Variants in CIITA observed in about 807,000 individuals in gnomAD.
CIITA encodes the protein MHC class II transactivator.
A neutral mutation model predicts 115.1 loss-of-function variants in CIITA; 72 were observed. That is an observed-to-expected ratio of 0.63 (90% CI 0.52 to 0.76). CIITA has a LOEUF of 0.76. Ranked by LOEUF, CIITA falls within the 30% of genes least tolerant of loss-of-function variation. The pLI is 0.00. For synonymous variants in CIITA, 763 were observed against 635.6 expected, an observed-to-expected ratio of 1.20 and a Z score of -3.02; for missense variants, 1,617 against 1,463.8, an observed-to-expected ratio of 1.10 and a Z score of -1.71.
chr16:10,919,080 A>G (rs1403155287), intron 16 of CIITA, among the ~76,000 whole-genome samples: 1 of 152,230 alleles, frequency 6.6e-6, no homozygotes, highest in East Asian at 1.9e-4. Context: ...TACTCGCCAG[A>G]CTGAGAGAAA....
At chr16:10,895,858 A>G in intron 3 of CIITA, 94 bp downstream of exon 3, 1 of 1,187,108 alleles carries the variant, frequency 8.4e-7, no homozygotes, top group African/African-American at 1.5e-5. Flanking sequence ...GAGCCACGTC[A>G]GTCCCCTCCC....
rs200253132 is a variant in CIITA at position 10,907,517 on chromosome 16, A to G, written c.2025A>G (p.Leu675=). Residue 675 remains leucine, a synonymous_variant, in exon 11 of 20, where the codon CTA becomes CTG. Coordinates refer to ENST00000324288, the MANE Select transcript of CIITA (RefSeq NM_000246.4). The surrounding 1 kb of genome is among the most constrained non-coding windows in gnomAD (Gnocchi z 5.0). ...WELGRRHQST[L]QEDQFPSADV... is the part of the protein sequence containing the mutation. ...TGGGCCGCAGACATCAAAGTACCCT[A>G]CAGGAGGACCAGTTCCCATCCGCAG... 1 of 1,614,010 alleles carries G rather than the reference A, an allele frequency of 6.2e-7. No homozygotes were observed. Among genetic ancestry groups the G allele is most frequent in the Non-Finnish European group, 8.5e-7 (1 of 1,180,006 alleles).
chr16:10,898,836 A>T (rs1488551031), intron 4 of CIITA, 89 bp from the exon 5 acceptor site: 10 of 1,593,012 alleles, frequency 6.3e-6, no homozygotes, highest in Non-Finnish European at 6.0e-6. Context: ...ATGGGCAGTC[A>T]GACCCCTCTC....
At position 10,895,215 on chromosome 16, in the gene CIITA, G is replaced by C. The variant is rs2038000653; in HGVS notation, c.53-67G>C. 1.9e-6 allele frequency: 3 copies of C among 1,589,284 alleles called. No individual in the cohort carries two copies. In the African/African-American group the frequency reaches 4.0e-5, roughly 21 times the overall value. On this transcript the variant is annotated intron_variant, in intron 1 of 19. Coordinates refer to ENST00000324288, the MANE Select transcript of CIITA (RefSeq NM_000246.4). ...CAGCCCTCACCAGCTGGGAGTTGTT[G>C]TAGGTGTCAATTTTCTGCCTCTTTC...
chr16:10,941,321 C>T (rs927417549), downstream of CIITA: 2 of 182,926 alleles, frequency 1.1e-5, no homozygotes, highest in Non-Finnish European at 2.2e-5. This position sits in a 1 kb window ranked among gnomAD's most constrained non-coding sequence, Gnocchi z 6.4. Context: ...AGTCACAGAG[C>T]TACCCCAAAT....
Position 10,910,243 on chromosome 16 carries a change from A to C in CIITA, c.2872A>C (p.Lys958Gln). Reference sequence around the variant, plus strand: ...GGAGCTCCCTGCTGTTCGGGACCTAAAGAAACTGGAGTTTGCGTAAGCAAA... The same window carrying C: ...GGAGCTCCCTGCTGTTCGGGACCTACAGAAACTGGAGTTTGCGTAAGCAAA... ...AGELPAVRDL[K>Q]KLEFALGPVS... The change falls in exon 13 of 20, where the codon AAG (lysine) becomes CAG (glutamine). Residue 958 changes from lysine to glutamine, a missense_variant. Coordinates refer to ENST00000324288, the MANE Select transcript of CIITA (RefSeq NM_000246.4). 2 of 1,614,050 alleles carry C rather than the reference A, an allele frequency of 1.2e-6. No homozygotes were observed. The highest frequency in any genetic ancestry group is 1.1e-5 in the South Asian group (1 of 91,046).
intron 2 of CIITA, 69 bp from the exon 3 acceptor site, chr16:10,895,600 T>C (rs1301171985): frequency 1.3e-6 from 2 of 1,595,644 alleles, no homozygotes; most frequent in South Asian, 2.2e-5. Context: ...CTGCCCCGCC[T>C]CTCCCTCGTT....
chr16:10,894,316 A>G (rs747257638), intron 1 of CIITA, among the ~76,000 whole-genome samples: 21 of 152,138 alleles, frequency 1.4e-4, no homozygotes, highest in Non-Finnish European at 2.8e-4. Flanking sequence ...ATGGTGGAAT[A>G]CTTTATTGTA....
In CIITA at chr16:10,903,721, C is replaced by T; in HGVS notation, c.773-10C>T. ...GGTTATTCTCACACCACTCTCCACC[C>T]CCAATGTAGGTGAGGTGCCCCAGGC... On this transcript the variant is annotated splice_polypyrimidine_tract_variant and intron_variant, in intron 8 of 19. Coordinates refer to ENST00000324288, the MANE Select transcript of CIITA (RefSeq NM_000246.4). 2 of 1,614,036 alleles carry T rather than the reference C, an allele frequency of 1.2e-6. No homozygotes were observed. Among genetic ancestry groups the T allele is most frequent in the Non-Finnish European group, 1.7e-6 (2 of 1,179,932 alleles).
At position 10,941,803 on chromosome 16, in the gene CIITA, A is replaced by C. The variant is rs760058332; in HGVS notation, n.929A>C. 5 of 1,613,650 alleles carry C rather than the reference A, an allele frequency of 3.1e-6. No individual in the cohort carries two copies. The South Asian group carries it at 5.5e-5, about 18-fold the overall frequency. ...GGGGTCGGAGAGCACGCCGAGGTCCACGAGCGCCTGGTCCATGTCCTCGGG... is the reference window on the plus strand; with the variant it reads ...GGGGTCGGAGAGCACGCCGAGGTCCCCGAGCGCCTGGTCCATGTCCTCGGG... On this transcript the variant is annotated non_coding_transcript_exon_variant, in exon 2 of 2. Transcript: ENST00000573379. This position sits in a 1 kb window ranked among gnomAD's most constrained non-coding sequence, Gnocchi z 6.4.
At chr16:10,902,449 T>G (rs1279337069) in intron 7 of CIITA, among the ~76,000 whole-genome samples, 1 of 152,200 alleles carries the variant, frequency 6.6e-6, no homozygotes, top group East Asian at 1.9e-4. Context: ...CCAGCCTTAT[T>G]CGTTCATCAG....
chr16:10,880,356 A>G (rs985274921), intron 1 of CIITA, among the ~76,000 whole-genome samples: 1 of 152,168 alleles, frequency 6.6e-6, no homozygotes, highest in Non-Finnish European at 1.5e-5. Flanking sequence ...GGTGACTCCA[A>G]TGTTCGTTTG....
rs2040614714 is a variant in CIITA, at chr16:10,928,206, T to C, written c.*4351T>C. 6.6e-6 allele frequency: 1 copy of C among 152,164 alleles called. No individual in the cohort carries two copies. Among genetic ancestry groups the C allele is most frequent in the Non-Finnish European group, 1.5e-5 (1 of 68,040 alleles). 9.4% of individuals were successfully genotyped at this position (152,164 alleles called of 1,614,324 possible). A position where few individuals can be genotyped will look rare whatever the true frequency, so the allele number is the denominator to read the frequency against. ...TCAATCGTTTGAACCCTGCTTCACT[T>C]GGTGTGTATGTGAAGGTGCTTTGAA... is the stretch of plus-strand genomic sequence containing the variant. On this transcript the variant is annotated 3_prime_UTR_variant, in exon 20 of 20. Coordinates refer to ENST00000324288, the MANE Select transcript of CIITA (RefSeq NM_000246.4).
chr16:10,901,653 G>A lies in CIITA; in HGVS notation c.481+95G>A, dbSNP rs542048915. ...TCCTGGCCCAAGTCTGATGGGGATG[G>A]TGCATGGTGCAGCCCCTGCCCTTCT... On this transcript the variant is annotated intron_variant, in intron 6 of 19. Transcript: ENST00000324288. This position sits in a 1 kb window ranked among gnomAD's most constrained non-coding sequence, Gnocchi z 6.8. 279 of 1,299,842 alleles carry A rather than the reference G, an allele frequency of 2.1e-4. No homozygotes were observed. Among genetic ancestry groups the A allele is most frequent in the Admixed American group, 5.0e-4 (26 of 51,806 alleles). 80.5% of individuals were successfully genotyped at this position (1,299,842 alleles called of 1,614,324 possible).
At chr16:10,878,427 C>T (rs1254437126) in intron 1 of CIITA, among the ~76,000 whole-genome samples, 2 of 152,176 alleles carry the variant, frequency 1.3e-5, no homozygotes, top group Admixed American at 6.5e-5. Context: ...AATCCAAGAC[C>T]TCTGAAAAGG....
At position 10,924,324 on chromosome 16, in the gene CIITA, C is replaced by G. The variant is rs1325245599; in HGVS notation, c.*469C>G. On this transcript the variant is annotated 3_prime_UTR_variant, in exon 20 of 20. Coordinates refer to ENST00000324288, the MANE Select transcript of CIITA (RefSeq NM_000246.4). Reference sequence around the variant, plus strand: ...TCTGGGTTCACTGCAACCTCCGCCTCTTGGGTTCAAGCGATTCTTCTGCTT... The same window carrying G: ...TCTGGGTTCACTGCAACCTCCGCCTGTTGGGTTCAAGCGATTCTTCTGCTT... The G allele has an allele frequency of 6.6e-6, 1 of 152,376 alleles. No homozygotes were observed. The highest frequency in any genetic ancestry group is 1.9e-4 in the East Asian group (1 of 5,202). 9.4% of individuals were successfully genotyped at this position (152,376 alleles called of 1,614,324 possible). A position where few individuals can be genotyped will look rare whatever the true frequency, so the allele number is the denominator to read the frequency against.
intron 1 of CIITA, chr16:10,866,427 T>C (rs1387489569): frequency 1.8e-6 from 1 of 566,348 alleles, no homozygotes; most frequent in East Asian, 3.8e-5. Flanking sequence ...CTCTGCTCCA[T>C]GAGCCTGATA....
chr16:10,877,616 A>G (rs1231780798), intron 1 of CIITA, among the ~76,000 whole-genome samples: 1 of 152,172 alleles, frequency 6.6e-6, no homozygotes, highest in Non-Finnish European at 1.5e-5. Flanking sequence ...ATCAGCACCG[A>G]AAGGTTCTAG....
upstream of CIITA, among the ~76,000 whole-genome samples, chr16:10,873,790 C>G (rs2035640723): frequency 6.6e-6 from 1 of 152,112 alleles, no homozygotes; most frequent in African/African-American, 2.4e-5. Context: ...TGCTGGCATG[C>G]TAGTTTCTGA....
Sources: gnomAD v4.1 joint callset for allele counts (sites outside exome capture counted in the v4.1 genomes callset) on GRCh38, gnomAD v4.1.1 for gene constraint, Gnocchi (gnomAD v3.1) non-coding constraint, MANE v1.5 for transcripts, NCBI Gene and HGNC (gene_info 2026-07-23, HGNC 2026-07-21) for gene names.